ASB2: variants seen among roughly 807,000 people sequenced by gnomAD.
ASB2 encodes the protein ankyrin repeat and SOCS box protein 2.
A neutral mutation model predicts 62.4 loss-of-function variants in ASB2; 58 were observed. The observed-to-expected ratio is 0.93, with a 90% confidence interval of 0.75 to 1.16. The LOEUF is 1.16. ASB2 is among the 50% of genes most tolerant of loss of function. The pLI is 0.00. For synonymous variants in ASB2, 386 were observed against 385.3 expected (o/e 1.00, Z -0.02); for missense variants, 928 against 887.9 (o/e 1.05, Z -0.57).
rs114068024 is a variant in ASB2 at position 93,970,784 on chromosome 14, C to T, written c.-74+5650G>A. Among the ~76,000 whole-genome samples the T allele has an allele frequency of 6.8e-3, 1,031 of 152,220 alleles. 5 individuals are homozygous for T. Among genetic ancestry groups the T allele is most frequent in the African/African-American group, 0.024 (988 of 41,508 alleles). On this transcript the variant is annotated intron_variant, in intron 1 of 9. Coordinates refer to ENST00000555019, the MANE Select transcript of ASB2 (RefSeq NM_001202429.2). ...CCCTAGCTCTGCCACCTCCTGGCCA[C>T]GTGATGTGAAGCAGGTTACTCGGTG...
rs777896257 is a variant in ASB2 at position 93,937,772 on chromosome 14, T to G, written c.1697A>C (p.Asn566Thr). The G allele has an allele frequency of 7.4e-6, 12 of 1,613,522 alleles. No individual in the cohort carries two copies. The South Asian group carries it at 1.2e-4, about 16-fold the overall frequency. ...CTTCAGCCGCGAGCAGAGCTGCACG[T>G]TGCCCACGTAGTCCAGGAGGACATC... ...IIDVLLDYVG[N>T]VQLCSRLKEH... The change falls in exon 9 of 10, where the codon AAC becomes ACC. Residue 566 changes from asparagine to threonine, a missense_variant. Coordinates refer to ENST00000555019, the MANE Select transcript of ASB2 (RefSeq NM_001202429.2).
chr14:93,949,089 C>T (rs1230869724), intron 6 of ASB2, among the ~76,000 whole-genome samples: 1 of 152,212 alleles, frequency 6.6e-6, no homozygotes, highest in Non-Finnish European at 1.5e-5. Flanking sequence ...GATGTGCACA[C>T]AGCTTTCTCT....
At chr14:93,943,506 C>G (rs1888610016) in intron 7 of ASB2, among the ~76,000 whole-genome samples, 1 of 152,166 alleles carries the variant, frequency 6.6e-6, no homozygotes, top group African/African-American at 2.4e-5. Flanking sequence ...TAGCCAGGCA[C>G]AGTGGTGGAC....
rs1345725474 is a variant in ASB2 at position 93,934,759 on chromosome 14, A to T, written c.1805T>A (p.Leu602Gln). ...TTTCCCAATGGCCTTTCGAACCCGC[A>T]GTCGGCAAAGGTGAGCCAGAGGTCT... ...PPRPLAHLCR[L>Q]RVRKAIGKYR... The change falls in exon 10 of 10, where the codon CTG becomes CAG. Residue 602 changes from leucine (L) to glutamine (Q), a missense_variant. Leu to Gln is a moderately radical substitution (Grantham distance 113). Transcript: ENST00000555019. 6.2e-7 allele frequency: 1 copy of T among 1,613,510 alleles called. No homozygotes were observed. Among genetic ancestry groups the T allele is most frequent in the African/African-American group, 1.3e-5 (1 of 74,904 alleles).
chr14:93,938,233 CTTTTT>C (rs35127276), intron 8 of ASB2, among the ~76,000 whole-genome samples: 14 of 67,618 alleles, frequency 2.1e-4, no homozygotes, highest in South Asian at 7.2e-4. Flanking sequence ...TAAGTTCTGA[CTTTTT>C]TTTTTTTTTT....
At chr14:93,966,114 C>A (rs118142727) in intron 1 of ASB2, among the ~76,000 whole-genome samples, 1 of 152,378 alleles carries the variant, frequency 6.6e-6, no homozygotes, top group South Asian at 2.1e-4. Flanking sequence ...AAGGCCAGCA[C>A]CTTATGTGAG....
chr14:93,971,772 GA>G (rs1014069619), intron 1 of ASB2, among the ~76,000 whole-genome samples: 10 of 151,968 alleles, frequency 6.6e-5, no homozygotes, highest in African/African-American at 2.4e-4. Flanking sequence ...CACACTAAGG[GA>G]AAAAGTGACA....
intron 2 of ASB2, 53 bp downstream of exon 2, chr14:93,964,281 T>C (rs1395691997): frequency 4.1e-6 from 6 of 1,467,630 alleles, no homozygotes; most frequent in Admixed American, 3.9e-5. Context: ...GGATCTACAG[T>C]CTGTGGATGT....
At chr14:93,955,133 C>A (rs1003054793) in intron 3 of ASB2, 13 of 456,642 alleles carry the variant, frequency 2.8e-5, no homozygotes, top group African/African-American at 2.6e-4. Flanking sequence ...TCCGTGAGAA[C>A]CACGATGTCT....
chr14:93,960,950 GATAA>G lies in ASB2; in HGVS notation c.206+3380_206+3383del, dbSNP rs3063040. On this transcript the variant is annotated intron_variant, in intron 2 of 9. Transcript: ENST00000555019. ...TCCAGGCTCTAAGCTGGGCACTGGA[GATAA>G]ATAAATAAATAAATAAATAAATAAA... Among the ~76,000 whole-genome samples, 1,119 of 144,808 alleles carry G rather than the reference GATAA, an allele frequency of 7.7e-3. 13 individuals are homozygous for G. Among genetic ancestry groups the G allele is most frequent in the African/African-American group, 0.026 (1,008 of 39,092 alleles). 95.0% of individuals were successfully genotyped at this position (144,808 alleles called of 152,430 possible).
At chr14:93,935,456 C>T (rs1419382662) in intron 9 of ASB2, among the ~76,000 whole-genome samples, 3 of 142,502 alleles carry the variant, frequency 2.1e-5, no homozygotes, top group Non-Finnish European at 4.7e-5. Context: ...ATTCACCAGG[C>T]GAATGCTGAG....
chr14:93,942,050 GCCC>G (rs1888545459), intron 7 of ASB2: 1 of 417,886 alleles, frequency 2.4e-6, no homozygotes, highest in Non-Finnish European at 4.9e-6. Flanking sequence ...CTTCTACGAT[GCCC>G]CTCTCCTCCC....
intron 2 of ASB2, among the ~76,000 whole-genome samples, chr14:93,963,451 A>G (rs189512932): frequency 6.6e-6 from 1 of 152,262 alleles, no homozygotes; most frequent in East Asian, 1.9e-4. Context: ...TTCCAAATGC[A>G]TTTTGAGATC....
chr14:93,956,347 GA>G (rs774606437), intron 3 of ASB2, among the ~76,000 whole-genome samples: 2 of 152,204 alleles, frequency 1.3e-5, no homozygotes, highest in Non-Finnish European at 2.9e-5. Context: ...TGGCATGGGG[GA>G]AAGTGAGACT....
chr14:93,938,755 C>T (rs1888375498), intron 8 of ASB2, among the ~76,000 whole-genome samples: 1 of 152,204 alleles, frequency 6.6e-6, no homozygotes, highest in Admixed American at 6.5e-5. Context: ...AATTCCCCAA[C>T]GCAGTGGACC....
At chr14:93,954,560 G>A (rs1390487457) in intron 3 of ASB2, 77 bp from the exon 4 acceptor site, 2 of 1,358,880 alleles carry the variant, frequency 1.5e-6, no homozygotes, top group East Asian at 2.3e-5. Flanking sequence ...CAGGAGTGCT[G>A]GCAGTGGAGT....
At chr14:93,959,271 G>A (rs1328576049) in intron 2 of ASB2, among the ~76,000 whole-genome samples, 1 of 152,196 alleles carries the variant, frequency 6.6e-6, no homozygotes, top group East Asian at 1.9e-4. Context: ...AGCAGAGAGG[G>A]AGACAAGGCC....
intron 2 of ASB2, among the ~76,000 whole-genome samples, chr14:93,959,211 C>T (rs1595327678): frequency 1.3e-5 from 2 of 152,200 alleles, no homozygotes; most frequent in South Asian, 4.1e-4. Flanking sequence ...GGTGGTGATG[C>T]AGCTCATTAA....
chr14:93,973,238 T>G (rs552819366), intron 1 of ASB2, among the ~76,000 whole-genome samples: 2 of 152,316 alleles, frequency 1.3e-5, no homozygotes, highest in East Asian at 3.9e-4. Flanking sequence ...GTGCCCATTG[T>G]ATAGAGGAGG....
Sources: gnomAD v4.1 joint callset for allele counts (sites outside exome capture counted in the v4.1 genomes callset) on GRCh38, gnomAD v4.1.1 for gene constraint, MANE v1.5 for transcripts, NCBI Gene and HGNC (gene_info 2026-07-23, HGNC 2026-07-21) for gene names.